Variants in RNF170 observed in about 807,000 individuals in gnomAD.
The protein encoded by RNF170 is E3 ubiquitin-protein ligase RNF170.
A neutral mutation model predicts 32.7 loss-of-function variants in RNF170; 12 were observed. That is an observed-to-expected ratio of 0.37 (90% confidence interval 0.24 to 0.60). The LOEUF (loss-of-function observed/expected upper bound fraction) is 0.60, where lower values mean the gene tolerates loss of function less well. RNF170 is among the 20% of genes least tolerant of loss of function. The pLI, the probability that RNF170 is intolerant of heterozygous loss-of-function variation, is 0.72. For synonymous variants in RNF170, 91 were observed against 103.6 expected, an observed-to-expected ratio of 0.88 and a Z score of 0.74; for missense variants, 212 against 311.2, an observed-to-expected ratio of 0.68 and a Z score of 2.40.
Position 42,855,687 on chromosome 8 carries a change from G to T in RNF170, c.*472C>A. 7.8e-7 allele frequency: 1 copy of T among 1,280,188 alleles called. No individual in the cohort carries two copies. The highest frequency in any genetic ancestry group is 1.0e-6 in the Non-Finnish European group (1 of 985,322). The allele number at this position is 1,280,188 out of a possible 1,614,324, so 79.3% of individuals were successfully genotyped here. On this transcript the variant is annotated 3_prime_UTR_variant, in exon 7 of 7. Coordinates refer to ENST00000527424, the MANE Select transcript of RNF170 (RefSeq NM_030954.4). ...GCACAAAACTTAGCTAGCACTAAAA[G>T]AAATACTGAATTTTCCCCAATAGTA... is the stretch of plus-strand genomic sequence containing the variant.
intron 2 of RNF170, among the ~76,000 whole-genome samples, chr8:42,884,995 CCCTG>C (rs1805704720): frequency 7.0e-6 from 1 of 143,048 alleles, no homozygotes; most frequent in South Asian, 2.3e-4. Context: ...AGCCACCGCG[CCCTG>C]CCTCTCTTTT....
chr8:42,885,271 T>C (rs1805728312), intron 2 of RNF170, among the ~76,000 whole-genome samples: 1 of 152,328 alleles, frequency 6.6e-6, no homozygotes, highest in East Asian at 1.9e-4. Context: ...GAGAGATCTA[T>C]ATACTCACAC....
At chr8:42,865,349 T>C in intron 5 of RNF170, 67 bp downstream of exon 5, 1 of 1,249,882 alleles carries the variant, frequency 8.0e-7, no homozygotes, top group South Asian at 1.2e-5. Flanking sequence ...CAAATGTAGA[T>C]ACAAAAACTA....
chr8:42,860,515 C>T (rs536973479), intron 6 of RNF170, among the ~76,000 whole-genome samples: 11 of 151,740 alleles, frequency 7.2e-5, no homozygotes, highest in South Asian at 2.1e-4. Context: ...CTCTGCCTCC[C>T]GGGTTCAAGT....
At chr8:42,896,748 A>AGCG (rs570533730), upstream of RNF170, 797 of 145,748 alleles carry the variant, frequency 5.5e-3, 7 homozygotes, top group South Asian at 0.011. Flanking sequence ...GCCCGGCGGC[A>AGCG]GCGGCGGCGG....
intron 2 of RNF170, among the ~76,000 whole-genome samples, chr8:42,883,649 G>A (rs1447787377): frequency 6.7e-6 from 1 of 150,020 alleles, no homozygotes; most frequent in African/African-American, 2.4e-5. Flanking sequence ...GGAGGCCAAG[G>A]CAGAAGAATC....
chr8:42,862,707 G>A (rs187569281), intron 5 of RNF170, among the ~76,000 whole-genome samples: 9 of 152,334 alleles, frequency 5.9e-5, no homozygotes, highest in Admixed American at 1.3e-4. Context: ...AAGCACAGAA[G>A]GTGGTGAGAA....
intron 1 of RNF170, among the ~76,000 whole-genome samples, chr8:42,892,022 C>A (rs903053501): frequency 6.6e-6 from 1 of 152,192 alleles, no homozygotes; most frequent in Non-Finnish European, 1.5e-5. Context: ...AATGCCCATT[C>A]TCATCTACCA....
Position 42,861,866 on chromosome 8 carries a change from C to A in RNF170, c.397-11G>T, listed in dbSNP as rs773558456. On this transcript the variant is annotated splice_polypyrimidine_tract_variant and intron_variant, in intron 5 of 6. Coordinates refer to ENST00000527424, the MANE Select transcript of RNF170 (RefSeq NM_030954.4). ...TAGGAGTAAGGTTACCTGTATATTA[C>A]AGAAAAAAAAATTATTTCAACTTTC... The A allele has an allele frequency of 5.6e-6, 9 of 1,595,192 alleles. No homozygotes were observed. The highest frequency in any genetic ancestry group is 1.8e-5 in the Admixed American group (1 of 56,546).
At chr8:42,863,982 T>TGG (rs1022833133) in intron 5 of RNF170, among the ~76,000 whole-genome samples, 3,334 of 124,392 alleles carry the variant, frequency 0.027, 52 homozygotes, top group African/African-American at 0.05. Context: ...AGAGAGAGAG[T>TGG]GTGTGTGTGT....
At chr8:42,863,227 C>A (rs955896960) in intron 5 of RNF170, among the ~76,000 whole-genome samples, 1 of 152,122 alleles carries the variant, frequency 6.6e-6, no homozygotes, top group Admixed American at 6.6e-5. Flanking sequence ...ATTAAGACAA[C>A]TTTATCTCGA....
In RNF170 at chr8:42,870,078, G is replaced by A. The variant is rs762923994; in HGVS notation, c.248C>T (p.Thr83Ile). 3.1e-6 allele frequency: 5 copies of A among 1,614,030 alleles called. No individual in the cohort carries two copies. In the Admixed American group the frequency reaches 6.7e-5, roughly 22 times the overall value. Residue 83 changes from threonine to isoleucine, a missense_variant, in exon 4 of 7, where the codon ACT becomes ATT. Thr to Ile is a moderately conservative substitution (Grantham distance 89). This residue lies in a region of RNF170 where 115 missense variants were observed against 132.3 expected (regional missense o/e 0.87). Transcript: ENST00000527424. ...CAGGCAGATGGGACAGTACATGTCA[G>A]TGTAGAACTGCTGTCGAGTGGCAGC... Reference protein sequence around the residue: ...APAATRQQFYTDMYCPICLHQ... With the variant: ...APAATRQQFYIDMYCPICLHQ...
Position 42,856,435 on chromosome 8 carries a change from GA to G in RNF170, c.508-8del. 1 of 1,600,892 alleles carries G rather than the reference GA, an allele frequency of 6.2e-7. No individual in the cohort carries two copies. The highest frequency in any genetic ancestry group is 8.5e-7 in the Non-Finnish European group (1 of 1,169,738). Reference sequence around the variant, plus strand: ...CCATAATTCTCTCCATAATCTGGTAGAGGGAAAAACAAGTATTATGATTCAG... The same window carrying G: ...CCATAATTCTCTCCATAATCTGGTAGGGGAAAAACAAGTATTATGATTCAG... On this transcript the variant is annotated splice_region_variant and splice_polypyrimidine_tract_variant and intron_variant, in intron 6 of 6. Coordinates refer to ENST00000527424, the MANE Select transcript of RNF170 (RefSeq NM_030954.4).
intron 2 of RNF170, among the ~76,000 whole-genome samples, chr8:42,881,939 A>G (rs1385862823): frequency 1.3e-5 from 2 of 152,230 alleles, no homozygotes; most frequent in African/African-American, 4.8e-5. Flanking sequence ...TATCTCAAAA[A>G]GAAACCTCAA....
chr8:42,865,411 A>G lies in RNF170; in HGVS notation c.396+5T>C. 2 of 1,608,398 alleles carry G rather than the reference A, an allele frequency of 1.2e-6. No individual in the cohort carries two copies. The highest frequency in any genetic ancestry group is 1.7e-5 in the Admixed American group (1 of 60,024). On this transcript the variant is annotated splice_donor_5th_base_variant and intron_variant, in intron 5 of 6. Coordinates refer to ENST00000527424, the MANE Select transcript of RNF170 (RefSeq NM_030954.4). Reference sequence around the variant, plus strand: ...AAATGATACTTTCTGCACACAAAACATTACCGTTTGTCTACAGATTGGACA... The same window carrying G: ...AAATGATACTTTCTGCACACAAAACGTTACCGTTTGTCTACAGATTGGACA...
rs996986588 is a variant in RNF170 at position 42,854,355 on chromosome 8, G to C, written c.*1804C>G. On this transcript the variant is annotated 3_prime_UTR_variant, in exon 7 of 7. Transcript: ENST00000527424. Reference sequence around the variant, plus strand: ...AGAAATTTTGGTGTAATGCCACTTTGATCAGTTATTTGTTGTATGACTTCA... The same window carrying C: ...AGAAATTTTGGTGTAATGCCACTTTCATCAGTTATTTGTTGTATGACTTCA... 5.4e-6 allele frequency: 7 copies of C among 1,287,022 alleles called. No homozygotes were observed. The African/African-American group carries it at 9.1e-5, about 17-fold the overall frequency. 79.7% of individuals were successfully genotyped at this position (1,287,022 alleles called of 1,614,324 possible). A position where few individuals can be genotyped will look rare whatever the true frequency, so the allele number is the denominator to read the frequency against.
At chr8:42,869,193 A>T (rs776587282) in intron 4 of RNF170, among the ~76,000 whole-genome samples, 3 of 152,208 alleles carry the variant, frequency 2.0e-5, no homozygotes, top group Non-Finnish European at 4.4e-5. Context: ...TACAGGCGTG[A>T]GCCACAGCGC....
rs189421971 is a variant in RNF170, at chr8:42,863,601, G to A, written c.397-1746C>T. 3.9e-3 allele frequency among the ~76,000 whole-genome samples: 592 copies of A among 151,932 alleles called. 3 individuals are homozygous for A. The highest frequency in any genetic ancestry group is 6.0e-3 in the Admixed American group (92 of 15,256). On this transcript the variant is annotated intron_variant, in intron 5 of 6. Coordinates refer to ENST00000527424, the MANE Select transcript of RNF170 (RefSeq NM_030954.4). The stretch of plus-strand genomic sequence containing the variant: ...GGACTACAGGTGTGCGCCACCATGC[G>A]CAGCTAATTTTTGTATATTTAGTAC...
At position 42,853,380 on chromosome 8, in the gene RNF170, C is replaced by T; in HGVS notation, c.*2779G>A. On this transcript the variant is annotated 3_prime_UTR_variant, in exon 7 of 7. Coordinates refer to ENST00000527424, the MANE Select transcript of RNF170 (RefSeq NM_030954.4). Reference sequence around the variant, plus strand: ...AATCACAAGGTTTGAACCAAACCACCAGTCTTCTACAACAACTCTGTGAGG... The same window carrying T: ...AATCACAAGGTTTGAACCAAACCACTAGTCTTCTACAACAACTCTGTGAGG... 1.6e-6 allele frequency: 2 copies of T among 1,280,968 alleles called. No individual in the cohort carries two copies. Among genetic ancestry groups the T allele is most frequent in the Non-Finnish European group, 2.0e-6 (2 of 985,154 alleles). 79.4% of individuals were successfully genotyped at this position (1,280,968 alleles called of 1,614,324 possible). A position where few individuals can be genotyped will look rare whatever the true frequency, so the allele number is the denominator to read the frequency against.
Sources: gnomAD v4.1 joint callset for allele counts (sites outside exome capture counted in the v4.1 genomes callset) on GRCh38, gnomAD v4.1.1 for gene constraint, gnomAD v4.1.1 regional missense constraint, MANE v1.5 for transcripts, NCBI Gene and HGNC (gene_info 2026-07-23, HGNC 2026-07-21) for gene names.